Variants in PARD3B observed in about 807,000 individuals in gnomAD.
PARD3B encodes par-3 family cell polarity regulator beta, also known as partitioning defective 3 homolog B.
In PARD3B, 103 loss-of-function variants were observed where a neutral mutation model predicts 130.2. That is an observed-to-expected ratio of 0.79 (90% confidence interval 0.67 to 0.93). PARD3B has a LOEUF of 0.93. Among genes scored for constraint, PARD3B ranks in the 40% least tolerant of loss-of-function variants. PARD3B has a pLI of 0.00. For synonymous variants in PARD3B, 583 were observed against 553.2 expected (o/e 1.05, Z -0.76); for missense variants, 1,609 against 1,499.2 (o/e 1.07, Z -1.21).
rs565488440 is a variant in PARD3B at position 205,309,201 on chromosome 2, C to A, written c.2630+7500C>A. Among the ~76,000 whole-genome samples, 2 of 152,324 alleles carry A rather than the reference C, an allele frequency of 1.3e-5. No homozygotes were observed. Among genetic ancestry groups the A allele is most frequent in the East Asian group, 1.9e-4 (1 of 5,176 alleles). On this transcript the variant is annotated intron_variant, in intron 18 of 22. Transcript: ENST00000406610. The surrounding 1 kb of genome is among the most constrained non-coding windows in gnomAD (Gnocchi z 4.7). The stretch of plus-strand genomic sequence containing the variant: ...CCCTAGGATACCTGCAGTACACATT[C>A]TAAGACAGGTGGGCATTAATGTAAA...
intron 18 of PARD3B, among the ~76,000 whole-genome samples, chr2:205,334,388 G>T (rs1239230487): frequency 6.6e-6 from 1 of 152,110 alleles, no homozygotes. Flanking sequence ...ATGTTAGCAC[G>T]TGGTCACATA....
chr2:204,707,545 A>G (rs2038227783), intron 2 of PARD3B, among the ~76,000 whole-genome samples: 1 of 152,230 alleles, frequency 6.6e-6, no homozygotes, highest in African/African-American at 2.4e-5. Context: ...ATAACTAAAT[A>G]AATTATTGTA....
At chr2:204,989,492 A>G (rs1175218003) in intron 3 of PARD3B, among the ~76,000 whole-genome samples, 1 of 152,162 alleles carries the variant, frequency 6.6e-6, no homozygotes, top group Non-Finnish European at 1.5e-5. Context: ...AAGAGAAGCA[A>G]CGCAGTGAGC....
intron 15 of PARD3B, among the ~76,000 whole-genome samples, chr2:205,217,713 T>A (rs2037988574): frequency 6.6e-6 from 1 of 150,760 alleles, no homozygotes. Context: ...CATACATATA[T>A]ATATACACAC....
intron 19 of PARD3B, among the ~76,000 whole-genome samples, chr2:205,415,329 C>G (rs948176153): frequency 6.6e-6 from 1 of 151,968 alleles, no homozygotes; most frequent in African/African-American, 2.4e-5. Context: ...TTTACCTCAC[C>G]AATTATTTCA....
At chr2:205,457,018 A>G (rs1239727535) in intron 20 of PARD3B, among the ~76,000 whole-genome samples, 2 of 151,702 alleles carry the variant, frequency 1.3e-5, no homozygotes, top group Non-Finnish European at 2.9e-5. Flanking sequence ...GTGTAAGGAA[A>G]GTATTACCTC....
chr2:204,998,323 T>C (rs974874977), intron 3 of PARD3B, among the ~76,000 whole-genome samples: 1 of 32,060 alleles, frequency 3.1e-5, no homozygotes, highest in Non-Finnish European at 5.5e-5. Flanking sequence ...TATATATATA[T>C]ATATATATAT....
rs767614295 is a variant in PARD3B at position 204,686,163 on chromosome 2, G to T, written c.121-18G>T. On this transcript the variant is annotated intron_variant, in intron 1 of 22. Coordinates refer to ENST00000406610, the MANE Select transcript of PARD3B (RefSeq NM_001302769.2). ...TAACATAGATTAGGTCATTAAACTT[G>T]TGTTTGTTCTACTATAGGGTCCTGG... The T allele has an allele frequency of 6.6e-7, 1 of 1,522,608 alleles. No homozygotes were observed. Among genetic ancestry groups the T allele is most frequent in the African/African-American group, 1.4e-5 (1 of 72,850 alleles). The allele number at this position is 1,522,608 out of a possible 1,614,324, so 94.3% of individuals were successfully genotyped here. A position where few individuals can be genotyped will look rare whatever the true frequency, so the allele number is the denominator to read the frequency against.
At chr2:205,427,325 G>A (rs2106114824) in intron 19 of PARD3B, among the ~76,000 whole-genome samples, 1 of 152,322 alleles carries the variant, frequency 6.6e-6, no homozygotes, top group South Asian at 2.1e-4. Context: ...TTTTCATTAT[G>A]ACATTATTTG....
chr2:204,721,410 A>G (rs1196384406), intron 2 of PARD3B, among the ~76,000 whole-genome samples: 1 of 152,092 alleles, frequency 6.6e-6, no homozygotes, highest in Non-Finnish European at 1.5e-5. Flanking sequence ...CAGAGGCTGG[A>G]GGGGCTCTTT....
Position 205,230,451 on chromosome 2 carries a change from G to A in PARD3B, c.2141-15327G>A, listed in dbSNP as rs2038776866. On this transcript the variant is annotated intron_variant, in intron 15 of 22. Coordinates refer to ENST00000406610, the MANE Select transcript of PARD3B (RefSeq NM_001302769.2). The surrounding 1 kb of genome is among the most constrained non-coding windows in gnomAD (Gnocchi z 4.1). The stretch of plus-strand genomic sequence containing the variant: ...ATCCAGGAGCTAAAGCCTAGAATGG[G>A]GGCCCCAGGACTCTGCCCAGTGCCC... 6.6e-6 allele frequency among the ~76,000 whole-genome samples: 1 copy of A among 152,078 alleles called. No individual in the cohort carries two copies. Among genetic ancestry groups the A allele is most frequent in the East Asian group, 1.9e-4 (1 of 5,162 alleles).
At chr2:205,271,589 T>G (rs1327315917) in intron 16 of PARD3B, among the ~76,000 whole-genome samples, 1 of 152,194 alleles carries the variant, frequency 6.6e-6, no homozygotes, top group Non-Finnish European at 1.5e-5. Context: ...AAATATTTGC[T>G]CTTTTGGAAA....
At chr2:204,770,471 TA>T (rs1270233632) in intron 2 of PARD3B, among the ~76,000 whole-genome samples, 2 of 151,378 alleles carry the variant, frequency 1.3e-5, no homozygotes, top group African/African-American at 4.9e-5. Flanking sequence ...GAAAAAAATG[TA>T]TATTCTGTTG....
chr2:204,662,868 G>A (rs2035874028), intron 1 of PARD3B, among the ~76,000 whole-genome samples: 1 of 152,090 alleles, frequency 6.6e-6, no homozygotes, highest in African/African-American at 2.4e-5. Flanking sequence ...TATGGAAATA[G>A]CTTTGACCTT....
chr2:204,634,039 A>G (rs1159183385), intron 1 of PARD3B, among the ~76,000 whole-genome samples: 1 of 152,126 alleles, frequency 6.6e-6, no homozygotes, highest in Non-Finnish European at 1.5e-5. Context: ...ATTATTGACT[A>G]TAATTACCCT....
At chr2:204,948,918 AT>A (rs1689548485) in intron 2 of PARD3B, among the ~76,000 whole-genome samples, 1 of 152,162 alleles carries the variant, frequency 6.6e-6, no homozygotes, top group South Asian at 2.1e-4. Context: ...AACAAAATAA[AT>A]TATAGGACTA....
intron 10 of PARD3B, among the ~76,000 whole-genome samples, chr2:205,140,509 G>C (rs1471918172): frequency 9.8e-6 from 1 of 101,798 alleles, no homozygotes; most frequent in African/African-American, 3.8e-5. Context: ...TTTTTTTAAA[G>C]TTTCCAAATC....
At chr2:204,861,213 T>G (rs1265205354) in intron 2 of PARD3B, among the ~76,000 whole-genome samples, 2 of 128,012 alleles carry the variant, frequency 1.6e-5, no homozygotes, top group Non-Finnish European at 3.3e-5. Context: ...TCTCTCTCTC[T>G]CGTACCTCTT....
chr2:205,609,902 A>T (rs1191385837), intron 22 of PARD3B, among the ~76,000 whole-genome samples: 1 of 152,202 alleles, frequency 6.6e-6, no homozygotes, highest in Non-Finnish European at 1.5e-5. Flanking sequence ...AGGAGTTCTT[A>T]CACTCTGCCT....
Sources: gnomAD v4.1 joint callset for allele counts (sites outside exome capture counted in the v4.1 genomes callset) on GRCh38, gnomAD v4.1.1 for gene constraint, Gnocchi (gnomAD v3.1) non-coding constraint, MANE v1.5 for transcripts, NCBI Gene and HGNC (gene_info 2026-07-23, HGNC 2026-07-21) for gene names.